The following PICALM variants were observed in gnomAD, a reference collection of about 807,000 sequenced individuals.
PICALM encodes the protein phosphatidylinositol-binding clathrin assembly protein.
Under a neutral mutation model 80.5 loss-of-function variants are expected in PICALM, and 40 were observed. The ratio of observed to expected loss-of-function variants is 0.50; its 90% CI spans 0.39 to 0.65. The LOEUF (loss-of-function observed/expected upper bound fraction) is 0.65. PICALM is among the 30% of genes least tolerant of loss of function. PICALM has a pLI of 0.00. For synonymous variants in PICALM, 288 were observed against 260.3 expected (o/e 1.11, Z -1.02); for missense variants, 676 against 778.9 (o/e 0.87, Z 1.57).
At chr11:85,988,465 CT>C (rs775471621) in intron 13 of PICALM, among the ~76,000 whole-genome samples, 21 of 151,944 alleles carry the variant, frequency 1.4e-4, no homozygotes, top group Non-Finnish European at 2.6e-4. Flanking sequence ...TGTAAAGATA[CT>C]GTTATCTAGC....
chr11:85,992,399 C>G (rs1196732175), intron 12 of PICALM, among the ~76,000 whole-genome samples: 1 of 151,912 alleles, frequency 6.6e-6, no homozygotes, highest in African/African-American at 2.4e-5. Context: ...ATTCTCCTGC[C>G]TCAACCTCCT....
chr11:85,987,348 G>C (rs2094603688), intron 13 of PICALM, among the ~76,000 whole-genome samples: 1 of 152,074 alleles, frequency 6.6e-6, no homozygotes, highest in Non-Finnish European at 1.5e-5. Flanking sequence ...GAATCTATTA[G>C]GGTTTTCAGT....
intron 1 of PICALM, among the ~76,000 whole-genome samples, chr11:86,051,551 C>T (rs2096187652): frequency 6.6e-6 from 1 of 152,118 alleles, no homozygotes; most frequent in Non-Finnish European, 1.5e-5. Flanking sequence ...GTCCCAGCTA[C>T]TTGGGAGGCT....
At chr11:86,050,048 T>C (rs1446563611) in intron 1 of PICALM, among the ~76,000 whole-genome samples, 1 of 150,354 alleles carries the variant, frequency 6.7e-6, no homozygotes, top group East Asian at 2.0e-4. Flanking sequence ...AAAAATAAAA[T>C]ACAAAAATTA....
chr11:86,069,093 GCTC>G (rs1156355328), upstream of PICALM: 2 of 312,146 alleles, frequency 6.4e-6, no homozygotes, highest in Non-Finnish European at 1.2e-5. Flanking sequence ...GCGGCGCCAG[GCTC>G]CTCCTCGGAG....
At chr11:86,054,224 G>T (rs1196375777) in intron 1 of PICALM, among the ~76,000 whole-genome samples, 1 of 152,210 alleles carries the variant, frequency 6.6e-6, no homozygotes. Flanking sequence ...CCCTGCACAT[G>T]TGCCAACAGA....
chr11:85,994,238 G>C (rs1467003129), intron 12 of PICALM, among the ~76,000 whole-genome samples: 1 of 152,176 alleles, frequency 6.6e-6, no homozygotes, highest in East Asian at 1.9e-4. Context: ...TGAAAACCTA[G>C]GTCTTCTCAG....
chr11:86,038,333 C>A (rs891732719), intron 1 of PICALM, among the ~76,000 whole-genome samples: 1 of 150,886 alleles, frequency 6.6e-6, no homozygotes, highest in South Asian at 2.1e-4. Flanking sequence ...AAAAATTAAA[C>A]AAAACAAAAC....
At chr11:86,062,601 T>C (rs1270699674) in intron 1 of PICALM, among the ~76,000 whole-genome samples, 1 of 152,140 alleles carries the variant, frequency 6.6e-6, no homozygotes, top group African/African-American at 2.4e-5. Context: ...TTAACAAATG[T>C]ACCACTTTCG....
chr11:86,056,247 G>T lies in PICALM; in HGVS notation c.130+12404C>A, dbSNP rs145776918. Among the ~76,000 whole-genome samples, 574 of 146,210 alleles carry T rather than the reference G, an allele frequency of 3.9e-3. 5 individuals carry two copies. Among genetic ancestry groups the T allele is most frequent in the African/African-American group, 0.014 (562 of 39,444 alleles). The stretch of plus-strand genomic sequence containing the variant: ...GTGACAAGCCAAGCCACAGAATGGG[G>T]AAAAAAATTACAAATCATATAAAGA... On this transcript the variant is annotated intron_variant, in intron 1 of 19. Transcript: ENST00000393346.
intron 1 of PICALM, among the ~76,000 whole-genome samples, chr11:86,038,099 C>T (rs2095875281): frequency 6.6e-6 from 1 of 152,200 alleles, no homozygotes; most frequent in Non-Finnish European, 1.5e-5. Context: ...GCAGGTAGAT[C>T]ACTTGAGGTC....
chr11:86,050,624 G>A (rs1405396627), intron 1 of PICALM, among the ~76,000 whole-genome samples: 1 of 152,062 alleles, frequency 6.6e-6, no homozygotes, highest in African/African-American at 2.4e-5. Flanking sequence ...TTAAAATGAA[G>A]AGATAAAAAT....
intron 1 of PICALM, among the ~76,000 whole-genome samples, chr11:86,064,698 T>C (rs1455207815): frequency 6.7e-6 from 1 of 149,266 alleles, no homozygotes; most frequent in African/African-American, 2.5e-5. Flanking sequence ...AGTATAAATA[T>C]TACATTTCAG....
At chr11:85,963,993 T>C (rs991618025) in intron 19 of PICALM, among the ~76,000 whole-genome samples, 1 of 149,282 alleles carries the variant, frequency 6.7e-6, no homozygotes, top group Non-Finnish European at 1.5e-5. Flanking sequence ...AAACTGACTT[T>C]AATAAAGGAC....
chr11:85,979,742 A>G (rs558111674), intron 17 of PICALM, among the ~76,000 whole-genome samples: 1 of 152,324 alleles, frequency 6.6e-6, no homozygotes, highest in African/African-American at 2.4e-5. Flanking sequence ...GGAAGTGGCT[A>G]TAAGGACAAC....
chr11:86,042,660 CAAA>C (rs10648704), intron 1 of PICALM, among the ~76,000 whole-genome samples: 1 of 142,728 alleles, frequency 7.0e-6, no homozygotes. Context: ...TCAGGACTCT[CAAA>C]AAAAAAAAAA....
chr11:86,033,261 T>C (rs1301219829), intron 1 of PICALM, among the ~76,000 whole-genome samples: 1 of 120,380 alleles, frequency 8.3e-6, no homozygotes, highest in African/African-American at 3.2e-5. Flanking sequence ...ATATAGTGCA[T>C]GGTGCATGGT....
intron 1 of PICALM, among the ~76,000 whole-genome samples, chr11:86,057,214 GA>G (rs889052322): frequency 4.0e-5 from 6 of 151,240 alleles, no homozygotes; most frequent in African/African-American, 1.5e-4. Context: ...CTCTAAAAGG[GA>G]AAAAAAATAA....
intron 13 of PICALM, among the ~76,000 whole-genome samples, chr11:85,988,610 AGAG>A (rs1304482284): frequency 6.6e-6 from 1 of 152,010 alleles, no homozygotes; most frequent in African/African-American, 2.4e-5. Context: ...AGGGAGAAAA[AGAG>A]GGGAAGGGGA....
Sources: allele counts gnomAD v4.1 joint callset (sites outside exome capture counted in the v4.1 genomes callset), GRCh38; gene constraint gnomAD v4.1.1; transcripts MANE v1.5; gene names NCBI Gene and HGNC (gene_info 2026-07-23, HGNC 2026-07-21).